AGO2: variants seen among roughly 807,000 people sequenced by gnomAD.
The protein encoded by AGO2 is argonaute RISC catalytic component 2.
Under a neutral mutation model 102.3 loss-of-function variants are expected in AGO2, and 5 were observed. That is an observed-to-expected ratio of 0.05 (90% CI 0.03 to 0.10). AGO2 has a LOEUF of 0.10. Ranked by LOEUF, AGO2 falls within the 10% of genes least tolerant of loss-of-function variation. AGO2 has a pLI of 1.00. For synonymous variants in AGO2, 449 were observed against 473.1 expected (o/e 0.95, Z 0.66); for missense variants, 541 against 1,183.7 (o/e 0.46, Z 7.97).
At chr8:140,604,252 G>T (rs894255142) in intron 1 of AGO2, among the ~76,000 whole-genome samples, 1 of 152,204 alleles carries the variant, frequency 6.6e-6, no homozygotes, top group African/African-American at 2.4e-5. Flanking sequence ...GAAGCACCAC[G>T]CTGGTCTCTG....
At chr8:140,549,445 G>T in intron 11 of AGO2, 147 bp from the exon 12 acceptor site, 1 of 748,292 alleles carries the variant, frequency 1.3e-6, no homozygotes, top group Non-Finnish European at 2.1e-6. Context: ...CCTGAATGAG[G>T]CCAGAATTCA....
At position 140,555,582 on chromosome 8, in the gene AGO2, G is replaced by C. The variant is rs2073079598; in HGVS notation, c.1269+314C>G. ...GCAAAAGTTAAAGAATAGAAAAGCA[G>C]TACAGCCTTCTGGGAAATAATTCGA... On this transcript the variant is annotated intron_variant, in intron 10 of 18. Coordinates refer to ENST00000220592, the MANE Select transcript of AGO2 (RefSeq NM_012154.5). The C allele has an allele frequency of 2.2e-5, 6 of 273,978 alleles. 1 individual carries two copies. In the South Asian group the frequency reaches 4.7e-4, roughly 22 times the overall value. 17.0% of individuals were successfully genotyped at this position (273,978 alleles called of 1,614,324 possible). A position where few individuals can be genotyped will look rare whatever the true frequency, so the allele number is the denominator to read the frequency against.
chr8:140,567,935 G>A lies in AGO2; in HGVS notation c.336+4877C>T, dbSNP rs757658496. Among the ~76,000 whole-genome samples, 2 of 151,952 alleles carry A rather than the reference G, an allele frequency of 1.3e-5. No individual in the cohort carries two copies. Among genetic ancestry groups the A allele is most frequent in the South Asian group, 2.1e-4 (1 of 4,812 alleles). On this transcript the variant is annotated intron_variant, in intron 3 of 18. Coordinates refer to ENST00000220592, the MANE Select transcript of AGO2 (RefSeq NM_012154.5). This position sits in a 1 kb window ranked among gnomAD's most constrained non-coding sequence, Gnocchi z 5.0. Reference sequence around the variant, plus strand: ...GAGCTCAGGAGTTGCAGACCAGCCCGGGCAATGTGGCAAAACTCTGTCCCT... The same window carrying A: ...GAGCTCAGGAGTTGCAGACCAGCCCAGGCAATGTGGCAAAACTCTGTCCCT...
At chr8:140,548,178 T>C (rs896137832) in intron 12 of AGO2, among the ~76,000 whole-genome samples, 1 of 152,090 alleles carries the variant, frequency 6.6e-6, no homozygotes, top group African/African-American at 2.4e-5. Flanking sequence ...TAGCCGGGCA[T>C]GGCAGTGTGT....
At chr8:140,576,611 C>A (rs1485051215) in intron 2 of AGO2, among the ~76,000 whole-genome samples, 4 of 152,130 alleles carry the variant, frequency 2.6e-5, no homozygotes, top group Admixed American at 1.3e-4. Context: ...GACAGGGTAA[C>A]AATACCAAGA....
rs541246162 is a variant in AGO2, at chr8:140,530,479, C to G, written c.*1565G>C. 3.3e-5 allele frequency: 5 copies of G among 152,442 alleles called. No individual in the cohort carries two copies. In the East Asian group the frequency reaches 9.6e-4, roughly 29 times the overall value. 9.4% of individuals were successfully genotyped at this position (152,442 alleles called of 1,614,324 possible). A position where few individuals can be genotyped will look rare whatever the true frequency, so the allele number is the denominator to read the frequency against. ...TCGCCTCCTTCCTGACGCCTCTACA[C>G]GGAACATGGATTTGAGTCTTACTAA... On this transcript the variant is annotated 3_prime_UTR_variant, in exon 19 of 19. Transcript: ENST00000220592.
intron 1 of AGO2, among the ~76,000 whole-genome samples, chr8:140,607,825 C>T (rs1348312250): frequency 2.0e-5 from 3 of 152,044 alleles, no homozygotes; most frequent in African/African-American, 7.2e-5. Context: ...GGCTTCTGTT[C>T]CAGGCGATGG....
At chr8:140,635,900 G>A (rs1401747606), upstream of AGO2, among the ~76,000 whole-genome samples, 1 of 149,150 alleles carries the variant, frequency 6.7e-6, no homozygotes, top group Non-Finnish European at 1.5e-5. Flanking sequence ...GCGGGGACGA[G>A]GGCCGAGGGC....
At chr8:140,543,702 C>T (rs573191430) in intron 14 of AGO2, among the ~76,000 whole-genome samples, 3 of 152,330 alleles carry the variant, frequency 2.0e-5, no homozygotes, top group Non-Finnish European at 4.4e-5. Flanking sequence ...TGCCAGGCAC[C>T]GTGCCAGGGG....
intron 5 of AGO2, 124 bp from the exon 6 acceptor site, chr8:140,559,653 C>G: frequency 1.5e-6 from 2 of 1,320,428 alleles, no homozygotes; most frequent in East Asian, 4.6e-5. Context: ...GGGGTTCTCA[C>G]TCCCTACTGA....
At position 140,523,641 on chromosome 8, in the gene AGO2, C is replaced by T. The variant is rs1347079638; in HGVS notation, c.*8403G>A. On this transcript the variant is annotated 3_prime_UTR_variant, in exon 19 of 19. Transcript: ENST00000220592. ...TACAGTTATAAAACATGAATTCATACCTTTAACAACTACATTAAAATCCAC... is the reference window on the plus strand; with the variant it reads ...TACAGTTATAAAACATGAATTCATATCTTTAACAACTACATTAAAATCCAC... The T allele has an allele frequency of 1.3e-5, 2 of 152,086 alleles. No individual in the cohort carries two copies. Among genetic ancestry groups the T allele is most frequent in the Non-Finnish European group, 2.9e-5 (2 of 68,006 alleles). The allele number at this position is 152,086 out of a possible 1,614,324, so 9.4% of individuals were successfully genotyped here.
rs552371890 is a variant in AGO2, at chr8:140,624,641, G to A, written c.22+10844C>T. On this transcript the variant is annotated intron_variant, in intron 1 of 18. Coordinates refer to ENST00000220592, the MANE Select transcript of AGO2 (RefSeq NM_012154.5). ...CTCGCATTCCGAGGCCACCAACTGC[G>A]AACATCCACACCAGTGAGCAACGGG... is the stretch of plus-strand genomic sequence containing the variant. Among the ~76,000 whole-genome samples the A allele has an allele frequency of 5.3e-5, 8 of 152,348 alleles. No homozygotes were observed. The East Asian group carries it at 5.8e-4, about 11-fold the overall frequency.
intron 1 of AGO2, among the ~76,000 whole-genome samples, chr8:140,632,287 T>C (rs1338814551): frequency 6.6e-6 from 1 of 152,246 alleles, no homozygotes; most frequent in Non-Finnish European, 1.5e-5. Flanking sequence ...TACCCAGCCA[T>C]GCCGCGATGG....
At chr8:140,601,388 A>G (rs2073931987) in intron 1 of AGO2, among the ~76,000 whole-genome samples, 1 of 152,162 alleles carries the variant, frequency 6.6e-6, no homozygotes, top group Non-Finnish European at 1.5e-5. Flanking sequence ...GCTCGCCTCA[A>G]CAGCGCTTGC....
At chr8:140,602,494 T>C (rs1274513393) in intron 1 of AGO2, among the ~76,000 whole-genome samples, 1 of 152,224 alleles carries the variant, frequency 6.6e-6, no homozygotes. Flanking sequence ...AAACTGTACA[T>C]CACGGTGGCG....
chr8:140,599,289 C>A (rs1016850552), intron 1 of AGO2, among the ~76,000 whole-genome samples: 4 of 152,130 alleles, frequency 2.6e-5, no homozygotes, highest in Non-Finnish European at 5.9e-5. Flanking sequence ...AACGCAAAAT[C>A]CTGTGACCAG....
intron 3 of AGO2, among the ~76,000 whole-genome samples, chr8:140,566,055 A>G (rs1458871227): frequency 3.9e-5 from 6 of 152,038 alleles, no homozygotes; most frequent in Admixed American, 3.9e-4. Flanking sequence ...AAAAGTTATG[A>G]ATGAATTTTT....
intron 1 of AGO2, among the ~76,000 whole-genome samples, chr8:140,598,430 C>G (rs75136572): frequency 6.6e-6 from 1 of 152,270 alleles, no homozygotes; most frequent in African/African-American, 2.4e-5. Flanking sequence ...ATCTTTCCTA[C>G]GGTTTTACCA....
chr8:140,601,427 C>T (rs912492715), intron 1 of AGO2, among the ~76,000 whole-genome samples: 4 of 152,366 alleles, frequency 2.6e-5, no homozygotes, highest in Admixed American at 2.6e-4. Context: ...TCCAGTACTC[C>T]CTGCACTAGG....
Sources: allele counts gnomAD v4.1 joint callset (sites outside exome capture counted in the v4.1 genomes callset), GRCh38; gene constraint gnomAD v4.1.1; non-coding constraint Gnocchi (gnomAD v3.1); transcripts MANE v1.5; gene names NCBI Gene and HGNC (gene_info 2026-07-23, HGNC 2026-07-21).